The following KCTD1 variants were observed in gnomAD, a reference collection of about 807,000 sequenced individuals.
KCTD1 encodes BTB/POZ domain-containing protein KCTD1.
A neutral mutation model predicts 66.0 loss-of-function variants in KCTD1; 24 were observed. The observed-to-expected ratio is 0.36, with a 90% CI of 0.26 to 0.51. The LOEUF (loss-of-function observed/expected upper bound fraction) is 0.51. KCTD1 is among the 20% of genes least tolerant of loss of function. KCTD1 has a pLI of 0.95. For missense variants in KCTD1, 943 were observed against 1,205.2 expected (o/e 0.78, Z 3.22); for synonymous variants, 511 against 517.2 (o/e 0.99, Z 0.16).
At chr18:26,463,198 G>A (rs1190500567) in intron 3 of KCTD1, among the ~76,000 whole-genome samples, 3 of 152,182 alleles carry the variant, frequency 2.0e-5, no homozygotes, top group Admixed American at 1.3e-4. Flanking sequence ...GCTCACACCT[G>A]TAATTCCAGC....
chr18:26,524,540 T>C (rs1984065297), intron 1 of KCTD1, among the ~76,000 whole-genome samples: 1 of 152,234 alleles, frequency 6.6e-6, no homozygotes, highest in Admixed American at 6.5e-5. Flanking sequence ...ATCCCAATGA[T>C]ATTATTCATT....
At chr18:26,654,835 C>A (rs1370903) in intron 1 of KCTD1, among the ~76,000 whole-genome samples, 72,690 of 152,016 alleles carry the variant, frequency 0.48, 17,799 homozygotes, top group Non-Finnish European at 0.55. Context: ...TCATCATAAC[C>A]ACTGCTCACA....
In KCTD1 at chr18:26,523,641, A is replaced by T. The variant is rs1984022929; in HGVS notation, c.1810-22391T>A. Among the ~76,000 whole-genome samples the T allele has an allele frequency of 2.6e-5, 4 of 152,340 alleles. No homozygotes were observed. The South Asian group carries it at 6.2e-4, about 24-fold the overall frequency. On this transcript the variant is annotated intron_variant, in intron 1 of 4. Coordinates refer to ENST00000580059, the MANE Select transcript of KCTD1 (RefSeq NM_001142730.3). ...TCTCAAACAAATAAATAATAAAATT[A>T]AAAAATTTAAAACAAAAAAATAAAA...
At chr18:26,626,591 C>T (rs1336251028) in intron 1 of KCTD1, among the ~76,000 whole-genome samples, 1 of 151,636 alleles carries the variant, frequency 6.6e-6, no homozygotes, top group East Asian at 2.0e-4. Flanking sequence ...CCTCCTACCT[C>T]AGCTCCTGAG....
intron 1 of KCTD1, among the ~76,000 whole-genome samples, chr18:26,568,972 A>T (rs16942419): frequency 0.018 from 2,817 of 152,294 alleles, 66 homozygotes; most frequent in African/African-American, 0.054. Flanking sequence ...GACAGGAATT[A>T]CTGCTTAATA....
chr18:26,571,578 A>ATT (rs1986107203), intron 1 of KCTD1, among the ~76,000 whole-genome samples: 1 of 152,190 alleles, frequency 6.6e-6, no homozygotes, highest in Non-Finnish European at 1.5e-5. Context: ...ATGCTATGAA[A>ATT]ATAGTTGTAC....
chr18:26,611,671 C>T (rs1305213666), intron 1 of KCTD1, among the ~76,000 whole-genome samples: 1 of 152,156 alleles, frequency 6.6e-6, no homozygotes, highest in African/African-American at 2.4e-5. Flanking sequence ...TTTTAGTGCC[C>T]TATCTGCTAA....
chr18:26,610,157 T>TTTTTTTC (rs1987102928), intron 1 of KCTD1, among the ~76,000 whole-genome samples: 1 of 152,260 alleles, frequency 6.6e-6, no homozygotes, highest in Non-Finnish European at 1.5e-5. Flanking sequence ...TGAGTTACTT[T>TTTTTTTC]TTTTTTCTTT....
intron 2 of KCTD1, among the ~76,000 whole-genome samples, chr18:26,500,349 G>A (rs1345326422): frequency 6.6e-6 from 1 of 151,846 alleles, no homozygotes; most frequent in Admixed American, 6.6e-5. Flanking sequence ...AAGCCCAGAA[G>A]GTCAAGGCTG....
At chr18:26,481,250 G>C (rs12965772) in intron 2 of KCTD1, among the ~76,000 whole-genome samples, 1 of 152,010 alleles carries the variant, frequency 6.6e-6, no homozygotes, top group Non-Finnish European at 1.5e-5. Context: ...TGTGTCACTG[G>C]GTGTGCACAG....
intron 1 of KCTD1, among the ~76,000 whole-genome samples, chr18:26,515,662 A>T (rs1983620554): frequency 6.6e-6 from 1 of 151,938 alleles, no homozygotes; most frequent in African/African-American, 2.4e-5. Context: ...GGTGTGCGCC[A>T]CCAAGCCCGG....
chr18:26,632,813 A>G (rs1044078901), upstream of KCTD1, among the ~76,000 whole-genome samples: 2 of 152,220 alleles, frequency 1.3e-5, no homozygotes, highest in African/African-American at 4.8e-5. Flanking sequence ...ACGTCTGAAC[A>G]AATGAAAAGA....
intron 3 of KCTD1, among the ~76,000 whole-genome samples, chr18:26,466,803 C>T (rs576975924): frequency 6.6e-6 from 1 of 152,254 alleles, no homozygotes; most frequent in South Asian, 2.1e-4. Flanking sequence ...ACAAGTCTAA[C>T]GTAAACCCAT....
chr18:26,572,123 A>C (rs1986123543), intron 1 of KCTD1, among the ~76,000 whole-genome samples: 2 of 150,382 alleles, frequency 1.3e-5, no homozygotes, highest in South Asian at 4.2e-4. Context: ...GCAGTGGCTC[A>C]ATCTCGGTTC....
chr18:26,456,649 G>T (rs1310343614), intron 4 of KCTD1: 2 of 152,098 alleles, frequency 1.3e-5, no homozygotes, highest in East Asian at 3.8e-4. Context: ...TTATACAAAT[G>T]TAAGCCATAG....
At position 26,459,515 on chromosome 18, in the gene KCTD1, G is replaced by C. The variant is rs879168043; in HGVS notation, c.2439+105C>G. 2.0e-5 allele frequency: 22 copies of C among 1,084,996 alleles called. No individual in the cohort carries two copies. In the South Asian group the frequency reaches 3.4e-4, roughly 17 times the overall value. 67.2% of individuals were successfully genotyped at this position (1,084,996 alleles called of 1,614,324 possible). On this transcript the variant is annotated intron_variant, in intron 4 of 4. Transcript: ENST00000580059. The stretch of plus-strand genomic sequence containing the variant: ...ACCTACCCAACAGAAGTGTCACTGA[G>C]TGAGTTTCTAAGCTCTTTGGAGGAA...
chr18:26,503,440 A>G (rs994525318), intron 1 of KCTD1, among the ~76,000 whole-genome samples: 1 of 152,112 alleles, frequency 6.6e-6, no homozygotes, highest in Admixed American at 6.6e-5. Flanking sequence ...TACAACCTCC[A>G]CTTTTAAGAG....
chr18:26,492,023 A>G (rs1309587186), intron 2 of KCTD1, among the ~76,000 whole-genome samples: 1 of 152,180 alleles, frequency 6.6e-6, no homozygotes, highest in Non-Finnish European at 1.5e-5. Context: ...AAGGAGGATC[A>G]CTTGACCCAG....
intron 1 of KCTD1, among the ~76,000 whole-genome samples, chr18:26,554,319 G>A (rs1440108538): frequency 6.7e-6 from 1 of 149,720 alleles, no homozygotes; most frequent in African/African-American, 2.5e-5. Flanking sequence ...AAATACCCCT[G>A]TGTATAATAG....
Sources: allele counts gnomAD v4.1 joint callset (sites outside exome capture counted in the v4.1 genomes callset), GRCh38; gene constraint gnomAD v4.1.1; transcripts MANE v1.5; gene names NCBI Gene and HGNC (gene_info 2026-07-23, HGNC 2026-07-21).